The following CPEB1 variants were observed in gnomAD, a reference collection of about 807,000 sequenced individuals.
CPEB1 encodes the protein cytoplasmic polyadenylation element-binding protein 1.
A neutral mutation model predicts 65.8 loss-of-function variants in CPEB1; 7 were observed. That is an observed-to-expected ratio of 0.11 (90% CI 0.06 to 0.20). CPEB1 has a LOEUF of 0.20. Ranked by LOEUF, CPEB1 falls within the 10% of genes least tolerant of loss-of-function variation. CPEB1 has a pLI of 1.00. For synonymous variants in CPEB1, 262 were observed against 260.0 expected (o/e 1.01, Z -0.08); for missense variants, 551 against 712.2 (o/e 0.77, Z 2.58).
intron 3 of CPEB1, among the ~76,000 whole-genome samples, chr15:82,605,836 C>T (rs184847412): frequency 1.1e-3 from 159 of 150,578 alleles, no homozygotes; most frequent in African/African-American, 3.7e-3. Context: ...GTCGGGAGTT[C>T]GAGACCAGCC....
At chr15:82,579,824 A>T (rs1596058131) in intron 3 of CPEB1, among the ~76,000 whole-genome samples, 1 of 146,016 alleles carries the variant, frequency 6.8e-6, no homozygotes, top group Admixed American at 6.9e-5. Context: ...AGGCAGGAGA[A>T]TGGCGTGAAC....
intron 3 of CPEB1, among the ~76,000 whole-genome samples, chr15:82,605,023 A>G (rs574681391): frequency 6.6e-6 from 1 of 152,350 alleles, no homozygotes; most frequent in East Asian, 1.9e-4. Context: ...ATGACATACA[A>G]GGGATTTTCA....
chr15:82,624,339 A>C (rs1323875698), intron 3 of CPEB1, among the ~76,000 whole-genome samples: 2 of 152,130 alleles, frequency 1.3e-5, no homozygotes, highest in Non-Finnish European at 2.9e-5. Context: ...AGTTCCCTTA[A>C]ATCTGCAGTA....
chr15:82,554,123 C>T (rs2036775396), intron 6 of CPEB1, 132 bp from the exon 7 acceptor site: 12 of 559,784 alleles, frequency 2.1e-5, no homozygotes, highest in South Asian at 1.6e-4. Context: ...AGAGAATATC[C>T]ATGATTATTC....
At chr15:82,618,003 G>C (rs2044913744) in intron 3 of CPEB1, among the ~76,000 whole-genome samples, 1 of 151,770 alleles carries the variant, frequency 6.6e-6, no homozygotes, top group African/African-American at 2.4e-5. Context: ...AAAGTGCTGG[G>C]ATTACAGGTA....
At chr15:82,549,336 C>G in intron 10 of CPEB1, 124 bp downstream of exon 10, 1 of 851,784 alleles carries the variant, frequency 1.2e-6, no homozygotes. Flanking sequence ...TATTATGGTG[C>G]TGGTATATGC....
At chr15:82,648,159 C>A (rs937887222), upstream of CPEB1, 1 of 339,866 alleles carries the variant, frequency 2.9e-6, no homozygotes, top group South Asian at 1.5e-4. Context: ...GGGACTGCCG[C>A]CGCTGCTAGC....
rs907812883 is a variant in CPEB1 at position 82,543,822 on chromosome 15, A to G, written c.*770T>C. The G allele has an allele frequency of 6.6e-6, 1 of 151,292 alleles. No individual in the cohort carries two copies. The highest frequency in any genetic ancestry group is 6.6e-5 in the Admixed American group (1 of 15,174). The allele number at this position is 151,292 out of a possible 1,614,324, so 9.4% of individuals were successfully genotyped here. A position where few individuals can be genotyped will look rare whatever the true frequency, so the allele number is the denominator to read the frequency against. On this transcript the variant is annotated 3_prime_UTR_variant, in exon 13 of 13. Transcript: ENST00000684509. The stretch of plus-strand genomic sequence containing the variant: ...GGTCCAGTTTCAAATAAAACAAAAA[A>G]TTTTTTTTTTCTTGGTTGCAAATGC...
chr15:82,571,369 G>A lies in CPEB1; in HGVS notation c.435C>T (p.Ser145=). The A allele has an allele frequency of 2.5e-6, 4 of 1,614,120 alleles. No homozygotes were observed. Among genetic ancestry groups the A allele is most frequent in the Non-Finnish European group, 3.4e-6 (4 of 1,180,004 alleles). The part of the protein sequence containing the change: ...DRPWSTQDSD[S]SAQSSTHSVL... ...CCGAGTGTGTGCTGCTCTGGGCTGA[G>A]GAATCTGAGTCCTGGGTGCTCCAGG... The change falls in exon 4 of 13, where the codon TCC becomes TCT. Residue 145 remains serine, a synonymous_variant. Coordinates refer to ENST00000684509, the MANE Select transcript of CPEB1 (RefSeq NM_001365242.1).
Position 82,544,516 on chromosome 15 carries a change from G to T in CPEB1, c.*76C>A. 1 of 1,072,104 alleles carries T rather than the reference G, an allele frequency of 9.3e-7. No individual in the cohort carries two copies. The highest frequency in any genetic ancestry group is 1.4e-6 in the Non-Finnish European group (1 of 721,864). 66.4% of individuals were successfully genotyped at this position (1,072,104 alleles called of 1,614,324 possible). On this transcript the variant is annotated 3_prime_UTR_variant, in exon 13 of 13. Coordinates refer to ENST00000684509, the MANE Select transcript of CPEB1 (RefSeq NM_001365242.1). ...TGGGAAGCCAGCTCCCTGGTCGCCA[G>T]TGGCAGGGTGGTGCAGGCTGCTTGC...
intron 3 of CPEB1, among the ~76,000 whole-genome samples, chr15:82,586,422 A>G (rs77101249): frequency 0.012 from 1,865 of 152,312 alleles, 35 homozygotes; most frequent in African/African-American, 0.041. Context: ...ATACTTTTCT[A>G]AGCACTATGT....
At chr15:82,563,177 G>A (rs1448898186) in intron 4 of CPEB1, among the ~76,000 whole-genome samples, 2 of 152,140 alleles carry the variant, frequency 1.3e-5, no homozygotes, top group Non-Finnish European at 2.9e-5. Flanking sequence ...AAACCAAAAG[G>A]AGCAAGGGCC....
At chr15:82,637,528 C>T (rs981058741) in intron 1 of CPEB1, among the ~76,000 whole-genome samples, 4 of 152,178 alleles carry the variant, frequency 2.6e-5, no homozygotes, top group Non-Finnish European at 5.9e-5. Context: ...ATCAGCCCTC[C>T]GTACGGAGTA....
chr15:82,569,409 GC>G (rs2039671353), intron 4 of CPEB1, among the ~76,000 whole-genome samples: 1 of 152,198 alleles, frequency 6.6e-6, no homozygotes, highest in Non-Finnish European at 1.5e-5. Flanking sequence ...TACTGCTGGG[GC>G]AACTCTGGTT....
chr15:82,619,912 C>G (rs1216608649), intron 3 of CPEB1, among the ~76,000 whole-genome samples: 1 of 152,092 alleles, frequency 6.6e-6, no homozygotes, highest in African/African-American at 2.4e-5. Context: ...CAATCCCTCT[C>G]CTAGGAAGAT....
At chr15:82,600,482 T>A (rs2043008668) in intron 3 of CPEB1, among the ~76,000 whole-genome samples, 1 of 152,000 alleles carries the variant, frequency 6.6e-6, no homozygotes, top group Non-Finnish European at 1.5e-5. Context: ...AGAGGACACA[T>A]CTAAGTCTAA....
Position 82,544,482 on chromosome 15 carries a change from C to A in CPEB1, c.*110G>T. 2.8e-6 allele frequency: 2 copies of A among 706,602 alleles called. No homozygotes were observed. Among genetic ancestry groups the A allele is most frequent in the Non-Finnish European group, 4.9e-6 (2 of 409,862 alleles). The allele number at this position is 706,602 out of a possible 1,614,324, so 43.8% of individuals were successfully genotyped here. A position where few individuals can be genotyped will look rare whatever the true frequency, so the allele number is the denominator to read the frequency against. On this transcript the variant is annotated 3_prime_UTR_variant, in exon 13 of 13. Coordinates refer to ENST00000684509, the MANE Select transcript of CPEB1 (RefSeq NM_001365242.1). Reference sequence around the variant, plus strand: ...AAGTGCAAAGGTGACTACAATTTTCCCTTGTCCTTGGGAAGCCAGCTCCCT... The same window carrying A: ...AAGTGCAAAGGTGACTACAATTTTCACTTGTCCTTGGGAAGCCAGCTCCCT...
chr15:82,636,391 A>C (rs1236471317), intron 1 of CPEB1, among the ~76,000 whole-genome samples: 1 of 152,104 alleles, frequency 6.6e-6, no homozygotes, highest in African/African-American at 2.4e-5. Flanking sequence ...CCCTTCAGCT[A>C]TTCTCCACTC....
chr15:82,624,217 A>C (rs2045559926), intron 3 of CPEB1, among the ~76,000 whole-genome samples: 1 of 152,174 alleles, frequency 6.6e-6, no homozygotes, highest in Non-Finnish European at 1.5e-5. Context: ...CCCTGAGCTG[A>C]ATCACAAGTG....
Sources: allele counts gnomAD v4.1 joint callset (sites outside exome capture counted in the v4.1 genomes callset), GRCh38; gene constraint gnomAD v4.1.1; transcripts MANE v1.5; gene names NCBI Gene and HGNC (gene_info 2026-07-23, HGNC 2026-07-21).